NOTCH2: variants seen among roughly 807,000 people sequenced by gnomAD.
NOTCH2 encodes the protein neurogenic locus notch homolog protein 2.
In NOTCH2, 29 loss-of-function variants were observed where a neutral mutation model predicts 235.8. The ratio of observed to expected loss-of-function variants is 0.12; its 90% CI spans 0.09 to 0.17. NOTCH2 has a LOEUF of 0.17. Among genes scored for constraint, NOTCH2 ranks in the 10% least tolerant of loss-of-function variants. The pLI is 1.00. For missense variants in NOTCH2, 2,285 were observed against 3,150.2 expected (o/e 0.73, Z 6.57); for synonymous variants, 1,086 against 1,141.5 (o/e 0.95, Z 0.98).
intron 17 of NOTCH2, among the ~76,000 whole-genome samples, chr1:119,945,263 T>G (rs1267560358): frequency 6.6e-6 from 1 of 152,048 alleles, no homozygotes; most frequent in African/African-American, 2.4e-5. Context: ...GTAGATAAAA[T>G]GTAATCATAA....
intron 13 of NOTCH2, 32 bp downstream of exon 13, chr1:119,955,008 A>C (rs1237635283): frequency 1.9e-6 from 3 of 1,610,640 alleles, no homozygotes; most frequent in East Asian, 4.5e-5. Flanking sequence ...ACACAGGTCA[A>C]TAAGAAACTA....
In NOTCH2 at chr1:119,916,209, T is replaced by C. The variant is rs144953407; in HGVS notation, c.6513A>G (p.Thr2171=). ...VSDTTSSPMI[T]SPGILQASPN... ...GTGAGGCCTGTAAGATCCCAGGGGA[T>C]GTAATCATTGGAGAGGATGTGGTGT... Residue 2171 remains threonine (T), a synonymous_variant, in exon 34 of 34, where the codon ACA becomes ACG. Transcript: ENST00000256646. 1.2e-6 allele frequency: 2 copies of C among 1,614,028 alleles called. No homozygotes were observed. The highest frequency in any genetic ancestry group is 2.7e-5 in the African/African-American group (2 of 74,912).
intron 4 of NOTCH2, among the ~76,000 whole-genome samples, chr1:119,991,822 G>A (rs1241282003): frequency 1.6e-4 from 16 of 103,072 alleles, no homozygotes; most frequent in East Asian, 1.1e-3. Flanking sequence ...GCGATGCTCC[G>A]TCTCAAAAAA....
chr1:119,920,480 C>A, intron 29 of NOTCH2, 83 bp from the exon 30 acceptor site: 1 of 1,411,112 alleles, frequency 7.1e-7, no homozygotes, highest in Non-Finnish European at 1.0e-6. Context: ...CCTCCACCAC[C>A]GCTGCTTATC....
At chr1:119,944,961 C>T (rs370460253) in intron 17 of NOTCH2, among the ~76,000 whole-genome samples, 5 of 151,968 alleles carry the variant, frequency 3.3e-5, no homozygotes, top group South Asian at 2.1e-4. Context: ...CTTGAAAATA[C>T]GTAGGTAACT....
At position 120,069,577 on chromosome 1, in the gene NOTCH2, C is replaced by G. The variant is rs1303869286; in HGVS notation, c.-171G>C. The stretch of plus-strand genomic sequence containing the variant: ...GGCGCAAATGCCTCGACTCCCCGCG[C>G]CCCGAGTCCGCCGCTCCTCGGCCGC... On this transcript the variant is annotated 5_prime_UTR_variant, in exon 1 of 34. Transcript: ENST00000256646. The G allele has an allele frequency of 2.1e-6, 3 of 1,411,040 alleles. No individual in the cohort carries two copies. The highest frequency in any genetic ancestry group is 1.5e-5 in the African/African-American group (1 of 65,768). 87.4% of individuals were successfully genotyped at this position (1,411,040 alleles called of 1,614,324 possible).
intron 11 of NOTCH2, among the ~76,000 whole-genome samples, chr1:119,962,985 T>C (rs1172818987): frequency 1.3e-5 from 2 of 151,824 alleles, no homozygotes; most frequent in African/African-American, 2.4e-5. Context: ...ACTCCGAGGA[T>C]AGGAAATGAC....
intron 21 of NOTCH2, 41 bp downstream of exon 21, chr1:119,937,241 T>C: frequency 6.3e-7 from 1 of 1,594,048 alleles, no homozygotes; most frequent in African/African-American, 1.3e-5. Flanking sequence ...TTGTACAATC[T>C]CCTGGGAGGT....
At chr1:119,965,836 C>T (rs1553199595) in intron 9 of NOTCH2, among the ~76,000 whole-genome samples, 5 of 152,108 alleles carry the variant, frequency 3.3e-5, no homozygotes, top group Admixed American at 3.3e-4. Flanking sequence ...GAACCTCAAA[C>T]AAGTAACTGT....
Position 119,953,697 on chromosome 1 carries a change from A to G in NOTCH2, c.2220-9T>C. On this transcript the variant is annotated splice_polypyrimidine_tract_variant and intron_variant, in intron 13 of 33. Transcript: ENST00000256646. ...CACAGAGACACTTATATCTGAAAGAAGACAAAACTTTTTACTATAGGAGGT... is the reference window on the plus strand; with the variant it reads ...CACAGAGACACTTATATCTGAAAGAGGACAAAACTTTTTACTATAGGAGGT... The G allele has an allele frequency of 1.9e-6, 3 of 1,613,886 alleles. No individual in the cohort carries two copies. Among genetic ancestry groups the G allele is most frequent in the South Asian group, 1.1e-5 (1 of 91,082 alleles).
intron 1 of NOTCH2, among the ~76,000 whole-genome samples, chr1:120,048,495 C>T (rs1553213997): frequency 1.8e-5 from 2 of 109,454 alleles, no homozygotes; most frequent in African/African-American, 9.0e-5. Flanking sequence ...GTCACCCAGA[C>T]AGATGTGCAG....
At chr1:120,067,081 G>A (rs1655537078) in intron 1 of NOTCH2, among the ~76,000 whole-genome samples, 1 of 151,812 alleles carries the variant, frequency 6.6e-6, no homozygotes, top group Admixed American at 6.6e-5. Context: ...ACTCCGTGAT[G>A]TTTAAATTAA....
rs587665749 is a variant in NOTCH2, at chr1:119,984,303, T to C, written c.874+2657A>G. Among the ~76,000 whole-genome samples the C allele has an allele frequency of 2.2e-4, 33 of 152,298 alleles. No homozygotes were observed. The South Asian group carries it at 6.8e-3, about 32-fold the overall frequency. Reference sequence around the variant, plus strand: ...TTTATATAGAAAAAAGACTACAGATTTGAGCAAAGATTTGGAGTTCAACAA... The same window carrying C: ...TTTATATAGAAAAAAGACTACAGATCTGAGCAAAGATTTGGAGTTCAACAA... On this transcript the variant is annotated intron_variant, in intron 5 of 33. Coordinates refer to ENST00000256646, the MANE Select transcript of NOTCH2 (RefSeq NM_024408.4).
intron 17 of NOTCH2, among the ~76,000 whole-genome samples, chr1:119,945,933 TG>T (rs1650238115): frequency 6.6e-6 from 1 of 152,000 alleles, no homozygotes; most frequent in South Asian, 2.1e-4. Flanking sequence ...GAAAAAAATC[TG>T]CAAAACAGAC....
rs1335751887 is a variant in NOTCH2 at position 119,916,080 on chromosome 1, G to A, written c.6642C>T (p.Ala2214=). ...GGCTCACTGAGGGAAGCACAGTGCT[G>A]GCCCCATGTGCCAAAGGCTGCATTT... ...LHEMQPLAHG[A]STVLPSVSQL... The change falls in exon 34 of 34, where the codon GCC becomes GCT. Residue 2214 remains alanine (A), a synonymous_variant. Coordinates refer to ENST00000256646, the MANE Select transcript of NOTCH2 (RefSeq NM_024408.4). 1.2e-6 allele frequency: 2 copies of A among 1,613,976 alleles called. No homozygotes were observed. The highest frequency in any genetic ancestry group is 1.1e-5 in the South Asian group (1 of 91,080).
intron 14 of NOTCH2, 105 bp downstream of exon 14, chr1:119,953,438 C>T (rs1204336149): frequency 3.2e-6 from 4 of 1,237,276 alleles, no homozygotes; most frequent in Non-Finnish European, 2.4e-6. Context: ...ATGTTTGTTA[C>T]ACGAATGAAT....
intron 5 of NOTCH2, among the ~76,000 whole-genome samples, chr1:119,973,484 C>T (rs759094391): frequency 1.3e-5 from 2 of 152,134 alleles, no homozygotes; most frequent in African/African-American, 2.4e-5. Flanking sequence ...AAAGTTCACA[C>T]GGTTGGTGAG....
At chr1:119,931,101 T>TC (rs782359839) in intron 22 of NOTCH2, among the ~76,000 whole-genome samples, 18,952 of 138,096 alleles carry the variant, frequency 0.14, 1,920 homozygotes, top group African/African-American at 0.27. Context: ...AGACTCTGTC[T>TC]TAAAAAAAAA....
chr1:119,920,492 C>T, intron 29 of NOTCH2, 95 bp from the exon 30 acceptor site: 1 of 1,365,062 alleles, frequency 7.3e-7, no homozygotes, highest in Non-Finnish European at 1.0e-6. Context: ...CTGCTTATCT[C>T]CCATTGTTTT....
Sources: allele counts gnomAD v4.1 joint callset (sites outside exome capture counted in the v4.1 genomes callset), GRCh38; gene constraint gnomAD v4.1.1; transcripts MANE v1.5; gene names NCBI Gene and HGNC (gene_info 2026-07-23, HGNC 2026-07-21).